ROBO1: variants seen among roughly 807,000 people sequenced by gnomAD.
ROBO1 encodes roundabout homolog 1.
In ROBO1, 149 loss-of-function variants were observed where a neutral mutation model predicts 195.9. The observed-to-expected ratio is 0.76, with a 90% confidence interval of 0.67 to 0.87. The LOEUF is 0.87. ROBO1 is among the 40% of genes least tolerant of loss of function. The pLI is 0.00. For missense variants in ROBO1, 1,933 were observed against 2,068.3 expected, an observed-to-expected ratio of 0.93 and a Z score of 1.27; for synonymous variants, 816 against 733.2, an observed-to-expected ratio of 1.11 and a Z score of -1.82.
intron 2 of ROBO1, among the ~76,000 whole-genome samples, chr3:79,423,259 C>T (rs1289054112): frequency 6.6e-6 from 1 of 152,060 alleles, no homozygotes; most frequent in Non-Finnish European, 1.5e-5. Flanking sequence ...TCAACCTCAC[C>T]TGTAGTGAAT....
Position 78,600,115 on chromosome 3 carries a change from C to G in ROBO1, c.4939G>C (p.Glu1647Gln). 6.2e-7 allele frequency: 1 copy of G among 1,607,066 alleles called. No individual in the cohort carries two copies. The highest frequency in any genetic ancestry group is 1.7e-4 in the Middle Eastern group (1 of 6,038). ...ACTTGGGGAAAAATTATAGATACCT[C>G]TAATTCTTCATTATTATCTTCTCCT... Reference protein sequence around the residue: ...ERGEDNNEELEETES With the variant: ...ERGEDNNEELQETES The change falls in exon 30 of 31, where the codon GAG (glutamate) becomes CAG (glutamine). Residue 1647 changes from glutamate to glutamine, a missense_variant and splice_region_variant. Coordinates refer to ENST00000464233, the MANE Select transcript of ROBO1 (RefSeq NM_002941.4).
At chr3:79,649,030 T>G in intron 1 of ROBO1, among the ~76,000 whole-genome samples, 1 of 152,104 alleles carries the variant, frequency 6.6e-6, no homozygotes, top group East Asian at 1.9e-4. Context: ...GGTAAGAATT[T>G]GGTTATCAAC....
At chr3:79,560,299 C>T (rs1025592186) in intron 2 of ROBO1, among the ~76,000 whole-genome samples, 4 of 143,130 alleles carry the variant, frequency 2.8e-5, no homozygotes, top group African/African-American at 5.2e-5. Context: ...AACCAAACAC[C>T]GCATATTCTC....
chr3:79,599,892 A>C (rs1396077860), intron 1 of ROBO1, among the ~76,000 whole-genome samples: 7 of 151,960 alleles, frequency 4.6e-5, no homozygotes, highest in Non-Finnish European at 7.4e-5. Flanking sequence ...AGTCTATCCA[A>C]ATTTTTTTCT....
chr3:78,645,959 C>T (rs1476927710), intron 21 of ROBO1, among the ~76,000 whole-genome samples, 189 bp downstream of exon 21: 1 of 152,052 alleles, frequency 6.6e-6, no homozygotes, highest in South Asian at 2.1e-4. Flanking sequence ...GATGCAACTA[C>T]TCCAATCAAC....
intron 2 of ROBO1, among the ~76,000 whole-genome samples, chr3:79,394,352 C>T (rs559709701): frequency 5.9e-5 from 9 of 152,058 alleles, no homozygotes; most frequent in South Asian, 2.1e-4. Context: ...GTCACTTAAA[C>T]GTCTTCAAAA....
At chr3:79,282,508 T>C (rs1369957629) in intron 2 of ROBO1, among the ~76,000 whole-genome samples, 3 of 152,186 alleles carry the variant, frequency 2.0e-5, no homozygotes, top group Admixed American at 2.0e-4. Context: ...AAGTGGAAGA[T>C]AGCAAATGAA....
rs182635916 is a variant in ROBO1, at chr3:78,941,823, G to T, written c.173-2896C>A. ...ATAGCTAAAATAAATAACTTCTTGG[G>T]CTTTGTACAATGAGCCACAGTTTTG... is the stretch of plus-strand genomic sequence containing the variant. On this transcript the variant is annotated intron_variant, in intron 3 of 30. Transcript: ENST00000464233. 2.1e-3 allele frequency among the ~76,000 whole-genome samples: 318 copies of T among 152,240 alleles called. 1 individual carries two copies. The highest frequency in any genetic ancestry group is 7.5e-3 in the African/African-American group (310 of 41,540).
rs374302419 is a variant in ROBO1 at position 78,639,879 on chromosome 3, T to C, written c.2902A>G (p.Ser968Gly). 1 of 1,604,258 alleles carries C rather than the reference T, an allele frequency of 6.2e-7. No individual in the cohort carries two copies. Among genetic ancestry groups the C allele is most frequent in the Non-Finnish European group, 8.5e-7 (1 of 1,174,158 alleles). The change falls in exon 22 of 31, where the codon AGT becomes GGT. Residue 968 changes from serine to glycine, a missense_variant. Transcript: ENST00000464233. ...SGGRPGLLNISEPAAQPWLAD... is the reference protein window; with the variant it reads ...SGGRPGLLNIGEPAAQPWLAD... ...AGCCATGGCTGCGCGGCAGGTTCAC[T>C]GATGTTGAGAAGTCCAGGCCTAAAT...
chr3:79,641,933 T>A (rs1945675512), intron 1 of ROBO1, among the ~76,000 whole-genome samples: 1 of 152,114 alleles, frequency 6.6e-6, no homozygotes, highest in South Asian at 2.1e-4. Context: ...CTGGGAGGAT[T>A]ACTTGAGCCC....
rs757596634 is a variant in ROBO1 at position 79,071,734 on chromosome 3, A to ACG, written c.172+53721_172+53722insCG. Among the ~76,000 whole-genome samples the ACG allele has an allele frequency of 1.0e-3, 149 of 147,734 alleles. 1 individual carries two copies. Among genetic ancestry groups the ACG allele is most frequent in the South Asian group, 2.2e-3 (10 of 4,548 alleles). Reference sequence around the variant, plus strand: ...CACACACATGCACATGCACACACACACACACGCACACACACACACACACAC... The same window carrying ACG: ...CACACACATGCACATGCACACACACACGCACACGCACACACACACACACACAC... On this transcript the variant is annotated intron_variant, in intron 3 of 30. Coordinates refer to ENST00000464233, the MANE Select transcript of ROBO1 (RefSeq NM_002941.4).
chr3:79,760,510 A>AAC (rs2107518885), intron 1 of ROBO1, among the ~76,000 whole-genome samples: 1 of 150,480 alleles, frequency 6.6e-6, no homozygotes, highest in African/African-American at 2.4e-5. Context: ...AAAAAAAAAA[A>AAC]AAATAGAATC....
intron 16 of ROBO1, chr3:78,660,672 T>C (rs1707338419): frequency 5.6e-6 from 1 of 178,092 alleles, no homozygotes; most frequent in Non-Finnish European, 1.2e-5. Flanking sequence ...ATTATTCAAA[T>C]CATGGATCAA....
chr3:78,931,862 G>A (rs991762028), intron 4 of ROBO1, among the ~76,000 whole-genome samples: 1 of 151,894 alleles, frequency 6.6e-6, no homozygotes, highest in African/African-American at 2.4e-5. Flanking sequence ...TTTAGTCCCA[G>A]CTACTCAGAA....
chr3:78,922,595 TCTTC>T (rs1194008115), intron 4 of ROBO1, among the ~76,000 whole-genome samples: 2 of 132,016 alleles, frequency 1.5e-5, no homozygotes, highest in Non-Finnish European at 3.2e-5. Flanking sequence ...TTCTTCTCCT[TCTTC>T]TTCTTCTTTT....
At chr3:79,156,561 A>G (rs1002408645) in intron 2 of ROBO1, among the ~76,000 whole-genome samples, 1 of 151,858 alleles carries the variant, frequency 6.6e-6, no homozygotes, top group African/African-American at 2.4e-5. Context: ...ATCTGGCAGC[A>G]ATTCAGTTTG....
Position 79,704,746 on chromosome 3 carries a change from T to A in ROBO1, c.-51+63006A>T, listed in dbSNP as rs189997875. ...TCATATAATAGGAGTGTATTTACTT[T>A]TGTAAGATATCACCAAAATGTCTTC... On this transcript the variant is annotated intron_variant, in intron 1 of 30. Coordinates refer to ENST00000464233, the MANE Select transcript of ROBO1 (RefSeq NM_002941.4). Among the ~76,000 whole-genome samples, 416 of 152,176 alleles carry A rather than the reference T, an allele frequency of 2.7e-3. 3 individuals carry two copies. The highest frequency in any genetic ancestry group is 5.2e-3 in the Non-Finnish European group (354 of 67,970).
At chr3:78,611,566 A>G (rs776634770) in intron 28 of ROBO1, among the ~76,000 whole-genome samples, 1 of 152,192 alleles carries the variant, frequency 6.6e-6, no homozygotes, top group Non-Finnish European at 1.5e-5. Context: ...TCTCCTTTGC[A>G]TCGAGTTCTC....
intron 2 of ROBO1, among the ~76,000 whole-genome samples, chr3:79,455,544 T>C (rs1213755630): frequency 6.6e-6 from 1 of 152,128 alleles, no homozygotes; most frequent in Admixed American, 6.6e-5. Context: ...AATACTCACC[T>C]ATAATTCCTT....
Sources: allele counts gnomAD v4.1 joint callset (sites outside exome capture counted in the v4.1 genomes callset), GRCh38; gene constraint gnomAD v4.1.1; transcripts MANE v1.5; gene names NCBI Gene and HGNC (gene_info 2026-07-23, HGNC 2026-07-21).